Variants in DLGAP1 observed in about 807,000 individuals in gnomAD.
DLGAP1 encodes disks large-associated protein 1.
Under a neutral mutation model 90.8 loss-of-function variants are expected in DLGAP1, and 11 were observed. The observed-to-expected ratio is 0.12, with a 90% CI of 0.08 to 0.20. The LOEUF is 0.20. Among genes scored for constraint, DLGAP1 ranks in the 10% least tolerant of loss-of-function variants. DLGAP1 has a pLI of 1.00. For missense variants in DLGAP1, 1,050 were observed against 1,333.8 expected (o/e 0.79, Z 3.31); for synonymous variants, 558 against 540.7 (o/e 1.03, Z -0.44).
chr18:4,082,403 C>T (rs1427370985), intron 2 of DLGAP1, among the ~76,000 whole-genome samples: 10 of 143,518 alleles, frequency 7.0e-5, no homozygotes, highest in Non-Finnish European at 6.0e-5. Context: ...CCCAGCTACT[C>T]GGGAGGCTGA....
At chr18:4,412,638 T>C (rs1188847345) in intron 1 of DLGAP1, among the ~76,000 whole-genome samples, 3 of 152,070 alleles carry the variant, frequency 2.0e-5, no homozygotes, top group Non-Finnish European at 4.4e-5. Flanking sequence ...CAACCACCTG[T>C]TATATAGGAT....
intron 3 of DLGAP1, among the ~76,000 whole-genome samples, chr18:3,893,679 G>A (rs576050009): frequency 6.6e-6 from 1 of 151,630 alleles, no homozygotes; most frequent in African/African-American, 2.4e-5. Context: ...TTGCAATTCT[G>A]AATAGTGCTG....
In DLGAP1 at chr18:4,401,620, T is replaced by C. The variant is rs1222829665; in HGVS notation, c.-267+53386A>G. On this transcript the variant is annotated intron_variant, in intron 1 of 12. Coordinates refer to ENST00000315677, the MANE Select transcript of DLGAP1 (RefSeq NM_004746.4). ...ATCCCGTTGATCATAGGGAAGTTGA[T>C]CCACTTCCCTATGATTAACTAAAAT... 3.3e-5 allele frequency among the ~76,000 whole-genome samples: 5 copies of C among 152,318 alleles called. No individual in the cohort carries two copies. The East Asian group carries it at 7.7e-4, about 24-fold the overall frequency.
At chr18:3,629,524 T>C (rs965431397) in intron 7 of DLGAP1, among the ~76,000 whole-genome samples, 2 of 151,546 alleles carry the variant, frequency 1.3e-5, no homozygotes, top group Non-Finnish European at 2.9e-5. Flanking sequence ...ACAAAAAAAT[T>C]AGCCGGGCGT....
chr18:4,278,018 TG>T (rs2079455823), intron 1 of DLGAP1, among the ~76,000 whole-genome samples: 1 of 152,014 alleles, frequency 6.6e-6, no homozygotes, highest in East Asian at 1.9e-4. Flanking sequence ...CCATTGGACG[TG>T]TTCAAATTGA....
chr18:3,553,498 C>T (rs7228725), intron 9 of DLGAP1, among the ~76,000 whole-genome samples: 9,488 of 152,016 alleles, frequency 0.062, 377 homozygotes, highest in Middle Eastern at 0.16. Context: ...GTAGATAATA[C>T]GTAAAAAGAA....
intron 3 of DLGAP1, among the ~76,000 whole-genome samples, chr18:3,956,494 A>G (rs1010090780): frequency 2.9e-4 from 44 of 151,600 alleles, no homozygotes; most frequent in African/African-American, 1.0e-3. Context: ...GACTACAGTC[A>G]CCCGCCACCA....
Position 3,814,075 on chromosome 18 carries a change from C to T in DLGAP1, c.1156G>A (p.Glu386Lys). 6.2e-7 allele frequency: 1 copy of T among 1,614,062 alleles called. No individual in the cohort carries two copies. The highest frequency in any genetic ancestry group is 8.5e-7 in the Non-Finnish European group (1 of 1,179,996). ...ACTACTCACTTGAGTGTGGTGAGTT[C>T]TGTAAGGGATGGCTGAGTAGCCTTG... Reference protein sequence around the residue: ...YLKATQPSLTELTTLKISNEH... With the variant: ...YLKATQPSLTKLTTLKISNEH... Residue 386 changes from glutamate (E) to lysine (K), a missense_variant, in exon 5 of 13, where the codon GAA becomes AAA. Glu to Lys is a moderately conservative substitution (Grantham distance 56, BLOSUM62 1). Around this residue, in one of 2 missense-constraint regions of DLGAP1, gnomAD observed 565 missense variants for 879.7 expected, o/e 0.64. Transcript: ENST00000315677.
intron 7 of DLGAP1, among the ~76,000 whole-genome samples, chr18:3,676,880 T>C (rs948009527): frequency 6.6e-6 from 1 of 152,236 alleles, no homozygotes; most frequent in Non-Finnish European, 1.5e-5. Flanking sequence ...TTTCTCTCCC[T>C]GAATGCAATC....
chr18:4,239,638 G>T (rs570826882), intron 1 of DLGAP1, among the ~76,000 whole-genome samples: 134 of 152,236 alleles, frequency 8.8e-4, no homozygotes, highest in African/African-American at 3.2e-3. Flanking sequence ...AGTGGCTCTG[G>T]AGCCACAACT....
intron 3 of DLGAP1, among the ~76,000 whole-genome samples, chr18:3,985,022 T>G (rs2073814905): frequency 1.3e-5 from 2 of 152,198 alleles, no homozygotes; most frequent in South Asian, 4.1e-4. Flanking sequence ...CCATTGTCCC[T>G]TCTTGGAAAT....
At chr18:4,087,028 G>GATAT (rs145482904) in intron 2 of DLGAP1, among the ~76,000 whole-genome samples, 3,077 of 121,694 alleles carry the variant, frequency 0.025, 579 homozygotes, top group African/African-American at 0.084. Flanking sequence ...CCTTGTCTGA[G>GATAT]ATATATATAT....
At chr18:3,738,739 C>T (rs1306824989) in intron 6 of DLGAP1, among the ~76,000 whole-genome samples, 1 of 149,428 alleles carries the variant, frequency 6.7e-6, no homozygotes, top group East Asian at 2.0e-4. Context: ...TCTAAAACAC[C>T]AAAAGCAATG....
chr18:3,847,699 T>C (rs2069095326), intron 4 of DLGAP1, among the ~76,000 whole-genome samples: 1 of 152,048 alleles, frequency 6.6e-6, no homozygotes, highest in Admixed American at 6.6e-5. Context: ...CCAAAAGAAT[T>C]GCACAATGAG....
intron 1 of DLGAP1, among the ~76,000 whole-genome samples, chr18:4,179,416 A>T (rs918265045): frequency 6.6e-6 from 1 of 152,196 alleles, no homozygotes; most frequent in African/African-American, 2.4e-5. Flanking sequence ...TTAAGTTCCT[A>T]ACTTAAGACC....
intron 6 of DLGAP1, among the ~76,000 whole-genome samples, chr18:3,738,190 C>T (rs1042640398): frequency 6.7e-6 from 1 of 149,242 alleles, no homozygotes; most frequent in Non-Finnish European, 1.5e-5. Context: ...GTGAAAATGG[C>T]CATACTGCCC....
At chr18:3,999,539 T>C (rs2074137912) in intron 3 of DLGAP1, among the ~76,000 whole-genome samples, 1 of 152,168 alleles carries the variant, frequency 6.6e-6, no homozygotes, top group Non-Finnish European at 1.5e-5. Context: ...TCCTATGTGG[T>C]CAATATCAAG....
At position 3,727,559 on chromosome 18, in the gene DLGAP1, T is replaced by C. The variant is rs2062230401; in HGVS notation, c.1591+1576A>G. On this transcript the variant is annotated intron_variant, in intron 7 of 12. Transcript: ENST00000315677. The surrounding 1 kb of genome is among the most constrained non-coding windows in gnomAD (Gnocchi z 4.7). ...GCAATGAGTTCATCATACAGAAGAA[T>C]GGACCAGACACTGGGAACGGGTTGT... 1 of 151,930 alleles carries C rather than the reference T, an allele frequency of 6.6e-6. No homozygotes were observed. Among genetic ancestry groups the C allele is most frequent in the Admixed American group, 6.6e-5 (1 of 15,248 alleles). The allele number at this position is 151,930 out of a possible 1,614,324, so 9.4% of individuals were successfully genotyped here.
intron 1 of DLGAP1, among the ~76,000 whole-genome samples, chr18:4,408,917 A>C (rs913758751): frequency 2.0e-5 from 3 of 151,910 alleles, no homozygotes; most frequent in African/African-American, 7.2e-5. Flanking sequence ...TAGACTAGCA[A>C]TTCCTTCTAG....
Sources: allele counts gnomAD v4.1 joint callset (sites outside exome capture counted in the v4.1 genomes callset), GRCh38; gene constraint gnomAD v4.1.1; regional missense constraint gnomAD v4.1.1; non-coding constraint Gnocchi (gnomAD v3.1); transcripts MANE v1.5; gene names NCBI Gene and HGNC (gene_info 2026-07-23, HGNC 2026-07-21).